The following COX7B2 variants were observed in gnomAD, a reference collection of about 807,000 sequenced individuals.
The protein encoded by COX7B2 is cytochrome c oxidase subunit 7B2, mitochondrial.
For synonymous variants in COX7B2, 37 were observed against 32.1 expected, an observed-to-expected ratio of 1.15 and a Z score of -0.51; for missense variants, 109 against 95.9, an observed-to-expected ratio of 1.14 and a Z score of -0.57.
intron 2 of COX7B2, among the ~76,000 whole-genome samples, chr4:46,842,471 T>C (rs1195717809): frequency 2.0e-5 from 3 of 152,088 alleles, no homozygotes; most frequent in Non-Finnish European, 4.4e-5. Flanking sequence ...TACATATGTA[T>C]ACATGTGCCA....
chr4:46,903,679 T>C (rs1230158715), intron 1 of COX7B2, among the ~76,000 whole-genome samples: 1 of 152,204 alleles, frequency 6.6e-6, no homozygotes, highest in Non-Finnish European at 1.5e-5. Context: ...ATTCCTTTGC[T>C]ATGTTTATAT....
At chr4:46,852,384 C>A (rs1716743060) in intron 1 of COX7B2, among the ~76,000 whole-genome samples, 1 of 152,038 alleles carries the variant, frequency 6.6e-6, no homozygotes, top group Admixed American at 6.6e-5. Flanking sequence ...TTAATTAGCA[C>A]TTTTCTTGCC....
In COX7B2 at chr4:46,801,628, C is replaced by A. The variant is rs184609755; in HGVS notation, c.-50+43332G>T. On this transcript the variant is annotated intron_variant, in intron 2 of 2. Coordinates refer to ENST00000355591, the MANE Select transcript of COX7B2 (RefSeq NM_130902.3). Reference sequence around the variant, plus strand: ...TACCTATAGGGTGTTATGCCCACTACCTGGGTGAAAAAATAATTTTTAAAC... The same window carrying A: ...TACCTATAGGGTGTTATGCCCACTAACTGGGTGAAAAAATAATTTTTAAAC... Among the ~76,000 whole-genome samples, 4 of 152,004 alleles carry A rather than the reference C, an allele frequency of 2.6e-5. No homozygotes were observed. The East Asian group carries it at 7.7e-4, about 29-fold the overall frequency.
chr4:46,832,690 C>T (rs558339859), intron 2 of COX7B2, among the ~76,000 whole-genome samples: 2 of 152,126 alleles, frequency 1.3e-5, no homozygotes, highest in African/African-American at 4.8e-5. Context: ...TAGTACCATC[C>T]TCTTGATGAT....
intron 1 of COX7B2, among the ~76,000 whole-genome samples, chr4:46,891,030 G>A (rs1297090757): frequency 6.6e-6 from 1 of 152,198 alleles, no homozygotes; most frequent in Non-Finnish European, 1.5e-5. Context: ...TGGAAATGAA[G>A]AGGAATGGTT....
At chr4:46,857,985 T>G (rs1717099391) in intron 1 of COX7B2, among the ~76,000 whole-genome samples, 1 of 152,226 alleles carries the variant, frequency 6.6e-6, no homozygotes, top group African/African-American at 2.4e-5. Flanking sequence ...CTTATCATTT[T>G]GTTTAACTAC....
chr4:46,766,597 G>A (rs566373927), intron 2 of COX7B2, among the ~76,000 whole-genome samples: 18 of 151,984 alleles, frequency 1.2e-4, no homozygotes, highest in African/African-American at 3.9e-4. Context: ...GGCTACTTGG[G>A]AGGCTGAGGC....
At chr4:46,907,872 T>TTTTTTTTTTTTTTTTTTTTTTTA (rs1577724232) in intron 1 of COX7B2, among the ~76,000 whole-genome samples, 2 of 146,086 alleles carry the variant, frequency 1.4e-5, no homozygotes, top group African/African-American at 2.5e-5. Flanking sequence ...TTTTTTTTTT[T>TTTTTTTTTTTTTTTTTTTTTTTA]GAGACGGAGT....
At chr4:46,822,333 G>GT (rs767822878) in intron 2 of COX7B2, among the ~76,000 whole-genome samples, 42 of 152,098 alleles carry the variant, frequency 2.8e-4, no homozygotes, top group Non-Finnish European at 5.6e-4. Context: ...GATTATAGCC[G>GT]TAAGACTCCA....
intron 2 of COX7B2, among the ~76,000 whole-genome samples, chr4:46,797,615 C>T (rs1041019624): frequency 5.9e-5 from 9 of 152,116 alleles, no homozygotes; most frequent in Middle Eastern, 3.2e-3. Flanking sequence ...ACCACTTTCC[C>T]GGAAGGGCTG....
intron 2 of COX7B2, among the ~76,000 whole-genome samples, chr4:46,792,899 C>T (rs1422911807): frequency 6.6e-6 from 1 of 152,122 alleles, no homozygotes; most frequent in Non-Finnish European, 1.5e-5. Flanking sequence ...CACTGACAGT[C>T]CATGGCATAA....
chr4:46,767,796 A>C (rs1014519708), intron 2 of COX7B2, among the ~76,000 whole-genome samples: 2 of 152,254 alleles, frequency 1.3e-5, no homozygotes, highest in African/African-American at 4.8e-5. Flanking sequence ...AGACTAAAAA[A>C]AACAACATAC....
intron 2 of COX7B2, among the ~76,000 whole-genome samples, chr4:46,755,913 T>A (rs1399954334): frequency 6.6e-6 from 1 of 152,030 alleles, no homozygotes; most frequent in Non-Finnish European, 1.5e-5. Flanking sequence ...GTCAATGCAA[T>A]CCTTATCAAA....
At chr4:46,772,803 G>A (rs755727707) in intron 2 of COX7B2, among the ~76,000 whole-genome samples, 1 of 152,112 alleles carries the variant, frequency 6.6e-6, no homozygotes, top group Non-Finnish European at 1.5e-5. Flanking sequence ...TAAACAACAG[G>A]ATGATTTACT....
intron 1 of COX7B2, among the ~76,000 whole-genome samples, chr4:46,906,771 T>C (rs1720417720): frequency 6.6e-6 from 1 of 152,212 alleles, no homozygotes; most frequent in Admixed American, 6.5e-5. Flanking sequence ...AGACAAATAG[T>C]TCCATGCAGG....
At chr4:46,815,533 C>A (rs911239075) in intron 2 of COX7B2, among the ~76,000 whole-genome samples, 3 of 152,002 alleles carry the variant, frequency 2.0e-5, no homozygotes, top group Non-Finnish European at 4.4e-5. Context: ...CAGACTTTAA[C>A]CTTGGAAATT....
chr4:46,772,357 A>T (rs1473574932), intron 2 of COX7B2, among the ~76,000 whole-genome samples: 1 of 152,180 alleles, frequency 6.6e-6, no homozygotes, highest in African/African-American at 2.4e-5. Context: ...TAAGTTCTAG[A>T]AATCAAATGT....
chr4:46,825,217 A>G (rs1714601556), intron 2 of COX7B2, among the ~76,000 whole-genome samples: 1 of 152,198 alleles, frequency 6.6e-6, no homozygotes, highest in Admixed American at 6.5e-5. Context: ...AAAAATCATT[A>G]GCATTCCTAT....
chr4:46,905,794 T>C (rs1720341935), intron 1 of COX7B2, among the ~76,000 whole-genome samples: 1 of 148,072 alleles, frequency 6.8e-6, no homozygotes, highest in Admixed American at 6.7e-5. Context: ...GAGCCTACCA[T>C]CTCTGATAAG....
Sources: gnomAD v4.1 joint callset for allele counts (sites outside exome capture counted in the v4.1 genomes callset) on GRCh38, gnomAD v4.1.1 for gene constraint, MANE v1.5 for transcripts, NCBI Gene and HGNC (gene_info 2026-07-23, HGNC 2026-07-21) for gene names.